TMEM132B: variants seen among roughly 807,000 people sequenced by gnomAD.
TMEM132B encodes transmembrane protein 132B.
Under a neutral mutation model 90.8 loss-of-function variants are expected in TMEM132B, and 18 were observed. The observed-to-expected ratio is 0.20, with a 90% CI of 0.14 to 0.29. The LOEUF is 0.29. TMEM132B is among the 10% of genes least tolerant of loss of function. TMEM132B has a pLI of 1.00. For missense variants in TMEM132B, 1,096 were observed against 1,326.8 expected (o/e 0.83, Z 2.70); for synonymous variants, 504 against 523.3 (o/e 0.96, Z 0.50).
chr12:125,531,389 A>G (rs1000318493), intron 4 of TMEM132B, among the ~76,000 whole-genome samples: 2 of 152,214 alleles, frequency 1.3e-5, no homozygotes, highest in Admixed American at 6.5e-5. Context: ...AAGTCTCACT[A>G]TGTTGCCCAG....
At chr12:125,534,384 A>T (rs7486583) in intron 4 of TMEM132B, among the ~76,000 whole-genome samples, 61,346 of 151,432 alleles carry the variant, frequency 0.41, 12,557 homozygotes, top group East Asian at 0.57. Flanking sequence ...ATACATGGTG[A>T]CACATGCCTG....
At chr12:125,627,697 T>G (rs914753633) in intron 5 of TMEM132B, among the ~76,000 whole-genome samples, 8 of 152,118 alleles carry the variant, frequency 5.3e-5, no homozygotes, top group Non-Finnish European at 1.2e-4. Flanking sequence ...TATTTTAAAA[T>G]GTACAATTAA....
intron 3 of TMEM132B, among the ~76,000 whole-genome samples, chr12:125,516,374 A>G (rs1359517651): frequency 2.6e-5 from 4 of 152,222 alleles, no homozygotes; most frequent in African/African-American, 9.6e-5. Context: ...CCAGTTATGA[A>G]CTCATTTTTG....
At chr12:125,518,194 G>T (rs1453546701) in intron 3 of TMEM132B, among the ~76,000 whole-genome samples, 1 of 152,112 alleles carries the variant, frequency 6.6e-6, no homozygotes, top group Non-Finnish European at 1.5e-5. Context: ...GATACCTCTT[G>T]GCATATACAA....
chr12:125,201,101 C>T (rs1035793733), intron 1 of TMEM132B, among the ~76,000 whole-genome samples: 1 of 152,106 alleles, frequency 6.6e-6, no homozygotes, highest in African/African-American at 2.4e-5. Flanking sequence ...CCACCCACCA[C>T]CCCCCATGCC....
chr12:125,644,424 G>C, intron 6 of TMEM132B, 143 bp downstream of exon 6: 2 of 762,450 alleles, frequency 2.6e-6, no homozygotes, highest in Non-Finnish European at 4.2e-6. Context: ...GGTTCAGATG[G>C]ATCTGACTTG....
chr12:125,477,573 C>T (rs1881919431), intron 3 of TMEM132B, among the ~76,000 whole-genome samples: 1 of 151,842 alleles, frequency 6.6e-6, no homozygotes, highest in Admixed American at 6.6e-5. Flanking sequence ...CATTTTTGGT[C>T]TTGAGACTCT....
At chr12:125,200,789 C>T (rs1873037798) in intron 1 of TMEM132B, among the ~76,000 whole-genome samples, 1 of 152,158 alleles carries the variant, frequency 6.6e-6, no homozygotes, top group Non-Finnish European at 1.5e-5. Flanking sequence ...TCTTAGAATC[C>T]AGACCTCTTG....
At chr12:125,322,945 T>C (rs1053351783) in intron 1 of TMEM132B, among the ~76,000 whole-genome samples, 1 of 152,174 alleles carries the variant, frequency 6.6e-6, no homozygotes, top group Non-Finnish European at 1.5e-5. Context: ...TCATAGACAG[T>C]AGCAAACCAT....
At chr12:125,564,367 T>C (rs1884614034) in intron 4 of TMEM132B, among the ~76,000 whole-genome samples, 1 of 151,904 alleles carries the variant, frequency 6.6e-6, no homozygotes, top group South Asian at 2.1e-4. Flanking sequence ...TGTGAAAAAA[T>C]AGAGAATAGG....
chr12:125,613,814 G>C (rs1397761698), intron 5 of TMEM132B, among the ~76,000 whole-genome samples: 2 of 152,006 alleles, frequency 1.3e-5, no homozygotes, highest in Admixed American at 6.6e-5. Flanking sequence ...GGTAGAGCAA[G>C]TACATATTTA....
intron 5 of TMEM132B, among the ~76,000 whole-genome samples, chr12:125,630,178 T>C (rs1886328641): frequency 6.6e-6 from 1 of 152,142 alleles, no homozygotes; most frequent in African/African-American, 2.4e-5. Flanking sequence ...TATTCCCTCC[T>C]CCTCTGTTTT....
Position 125,560,757 on chromosome 12 carries a change from G to A in TMEM132B, c.1294-23094G>A, listed in dbSNP as rs568117977. The stretch of plus-strand genomic sequence containing the variant: ...GGACAATGGCGTGAACCAGGGAAGC[G>A]GAGCTTGCAGTGAGCCAAGATTGCG... On this transcript the variant is annotated intron_variant, in intron 4 of 8. Coordinates refer to ENST00000682704, the MANE Select transcript of TMEM132B (RefSeq NM_001366854.1). 1.0e-3 allele frequency among the ~76,000 whole-genome samples: 149 copies of A among 148,272 alleles called. 1 individual carries two copies. Among genetic ancestry groups the A allele is most frequent in the Admixed American group, 1.5e-3 (22 of 14,804 alleles).
chr12:125,208,449 AC>A (rs1004600502), intron 1 of TMEM132B, among the ~76,000 whole-genome samples: 1 of 151,292 alleles, frequency 6.6e-6, no homozygotes, highest in Admixed American at 6.6e-5. Flanking sequence ...GCCACTCCCC[AC>A]CCCCATTCCT....
At chr12:125,640,773 G>T (rs567943079) in intron 5 of TMEM132B, among the ~76,000 whole-genome samples, 1 of 152,296 alleles carries the variant, frequency 6.6e-6, no homozygotes, top group East Asian at 1.9e-4. Context: ...CCACCTCGTG[G>T]CATTACCGTG....
chr12:125,353,153 A>G (rs1326576895), intron 2 of TMEM132B, among the ~76,000 whole-genome samples: 1 of 152,060 alleles, frequency 6.6e-6, no homozygotes, highest in Non-Finnish European at 1.5e-5. Context: ...CATGGCAGAC[A>G]TTACCAATCA....
At chr12:125,475,099 G>T (rs1009781200) in intron 3 of TMEM132B, among the ~76,000 whole-genome samples, 1 of 152,236 alleles carries the variant, frequency 6.6e-6, no homozygotes, top group Middle Eastern at 3.4e-3. Context: ...GTGGATTACA[G>T]GTAGATATCA....
intron 2 of TMEM132B, among the ~76,000 whole-genome samples, chr12:125,370,870 C>T (rs1179510750): frequency 6.6e-6 from 1 of 152,150 alleles, no homozygotes; most frequent in Non-Finnish European, 1.5e-5. Context: ...AGGGACAGAA[C>T]TAATAGGATA....
intron 5 of TMEM132B, among the ~76,000 whole-genome samples, chr12:125,624,147 T>C (rs1886175745): frequency 1.3e-5 from 2 of 152,110 alleles, no homozygotes; most frequent in African/African-American, 4.8e-5. Context: ...CAAGGTCCAA[T>C]CATGGAGGCC....
Sources: allele counts gnomAD v4.1 joint callset (sites outside exome capture counted in the v4.1 genomes callset), GRCh38; gene constraint gnomAD v4.1.1; transcripts MANE v1.5; gene names NCBI Gene and HGNC (gene_info 2026-07-23, HGNC 2026-07-21).